Variants in MTFR2 observed in about 807,000 individuals in gnomAD.
MTFR2 encodes the protein mitochondrial fission regulator 2.
MTFR2 carries 44 observed loss-of-function variants against 41.2 expected under a neutral mutation model. The observed-to-expected ratio is 1.07, with a 90% CI of 0.84 to 1.37. The LOEUF is 1.37. MTFR2 is among the 40% of genes most tolerant of loss of function. MTFR2 has a pLI of 0.00. For synonymous variants in MTFR2, 141 were observed against 154.6 expected (o/e 0.91, Z 0.65); for missense variants, 452 against 459.5 (o/e 0.98, Z 0.15).
At chr6:136,246,704 A>T (rs1406031932) in intron 2 of MTFR2, among the ~76,000 whole-genome samples, 1 of 152,174 alleles carries the variant, frequency 6.6e-6, no homozygotes, top group Non-Finnish European at 1.5e-5. Context: ...AATATGTTCA[A>T]TGCCACTCAA....
intron 6 of MTFR2, among the ~76,000 whole-genome samples, chr6:136,238,375 G>C (rs9494491): frequency 0.086 from 13,126 of 152,030 alleles, 1,759 homozygotes; most frequent in African/African-American, 0.29. Context: ...TTGAGAGACC[G>C]AGGCAGGAGG....
intron 7 of MTFR2, among the ~76,000 whole-genome samples, chr6:136,232,513 A>G (rs1266304657): frequency 6.6e-6 from 1 of 152,116 alleles, no homozygotes; most frequent in African/African-American, 2.4e-5. Context: ...TGCCCACCTC[A>G]GCCTCCCAAA....
At chr6:136,237,873 C>A (rs565364462) in intron 6 of MTFR2, among the ~76,000 whole-genome samples, 12 of 151,800 alleles carry the variant, frequency 7.9e-5, no homozygotes, top group Non-Finnish European at 1.5e-4. Context: ...ACTAATCTAC[C>A]CTTTATGTTT....
At position 136,242,941 on chromosome 6, in the gene MTFR2, A is replaced by G; in HGVS notation, c.201T>C (p.Asp67=). 6.2e-7 allele frequency: 1 copy of G among 1,613,072 alleles called. No individual in the cohort carries two copies. Among genetic ancestry groups the G allele is most frequent in the Non-Finnish European group, 8.5e-7 (1 of 1,179,802 alleles). Residue 67 remains aspartate (D), a synonymous_variant, in exon 4 of 8, where the codon GAT becomes GAC. Coordinates refer to ENST00000420702, the MANE Select transcript of MTFR2 (RefSeq NM_001099286.3). ...AAGATGGAACCATAGATCCACAATT[A>G]TCAGAGTCTACAGAGTTCAAGAGCG... ...LIPLLNSVDS[D]NCGSMVPSFA... is the part of the protein sequence containing the mutation.
intron 6 of MTFR2, among the ~76,000 whole-genome samples, chr6:136,237,681 G>A (rs183259858): frequency 1.2e-4 from 18 of 152,006 alleles, no homozygotes; most frequent in Admixed American, 6.6e-4. Context: ...ATGGTGGCAC[G>A]TGCCTGTAAT....
intron 3 of MTFR2, among the ~76,000 whole-genome samples, chr6:136,243,956 T>C (rs1167971338): frequency 6.6e-6 from 1 of 151,978 alleles, no homozygotes; most frequent in African/African-American, 2.4e-5. Context: ...TTTAAAAGTA[T>C]AAAAAATTTA....
intron 6 of MTFR2, among the ~76,000 whole-genome samples, chr6:136,238,128 T>C (rs369051805): frequency 1.3e-5 from 2 of 152,356 alleles, no homozygotes; most frequent in East Asian, 3.9e-4. Flanking sequence ...CAAAGAGATA[T>C]CTGCACACCC....
At position 136,249,122 on chromosome 6, in the gene MTFR2, A is replaced by C. The variant is rs1780294164; in HGVS notation, c.-23T>G. ...CATTGATGAAGCAAATACAGAAGCC[A>C]ATTCAAAGGAACATTATCAGTTTCT... On this transcript the variant is annotated 5_prime_UTR_variant, in exon 2 of 8. The change creates a new upstream start codon in the 5' untranslated region. Coordinates refer to ENST00000420702, the MANE Select transcript of MTFR2 (RefSeq NM_001099286.3). The C allele has an allele frequency of 1.3e-6, 2 of 1,556,162 alleles. No individual in the cohort carries two copies. The highest frequency in any genetic ancestry group is 2.8e-5 in the African/African-American group (2 of 71,094).
chr6:136,233,392 T>A lies in MTFR2; in HGVS notation c.977A>T (p.Asp326Val). 1 of 1,612,312 alleles carries A rather than the reference T, an allele frequency of 6.2e-7. No individual in the cohort carries two copies. Among genetic ancestry groups the A allele is most frequent in the Non-Finnish European group, 8.5e-7 (1 of 1,178,982 alleles). The change falls in exon 7 of 8, where the codon GAT (aspartate) becomes GTT (valine). Residue 326 changes from aspartate to valine, a missense_variant. Asp to Val is a radical substitution (Grantham distance 152). Coordinates refer to ENST00000420702, the MANE Select transcript of MTFR2 (RefSeq NM_001099286.3). Reference protein sequence around the residue: ...ALKQKFAFQEDDSFEKENRSW... With the variant: ...ALKQKFAFQEVDSFEKENRSW... ...TCTATTCTCTTTCTCAAAAGAATCA[T>A]CTTCTTGAAATGCAAATTTCTGTTT...
At chr6:136,244,907 G>T in intron 2 of MTFR2, 38 bp from the exon 3 acceptor site, 1 of 1,401,266 alleles carries the variant, frequency 7.1e-7, no homozygotes, top group South Asian at 1.3e-5. Context: ...AATGCACTCT[G>T]ATTAAGCATA....
At chr6:136,240,697 T>A (rs1780031374) in intron 5 of MTFR2, among the ~76,000 whole-genome samples, 1 of 152,126 alleles carries the variant, frequency 6.6e-6, no homozygotes, top group Non-Finnish European at 1.5e-5. Flanking sequence ...GTAGCAGCAA[T>A]AACTAAAAAC....
chr6:136,233,061 C>T (rs964095382), intron 7 of MTFR2: 5 of 263,734 alleles, frequency 1.9e-5, no homozygotes, highest in Non-Finnish European at 3.7e-5. Flanking sequence ...ATCAAATTGG[C>T]ACCTAAGATA....
rs543748793 is a variant in MTFR2, at chr6:136,239,377, CAT to C, written c.869+87_869+88del. On this transcript the variant is annotated intron_variant, in intron 6 of 7. Coordinates refer to ENST00000420702, the MANE Select transcript of MTFR2 (RefSeq NM_001099286.3). ...GGGTGAAGAAGAATAAGAAAAAAGA[CAT>C]ATATGTTAATTTTCATAAACATAAT... 1,992 of 960,140 alleles carry C rather than the reference CAT, an allele frequency of 2.1e-3. 4 individuals are homozygous for C. The highest frequency in any genetic ancestry group is 4.6e-3 in the South Asian group (258 of 56,116). The allele number at this position is 960,140 out of a possible 1,614,324, so 59.5% of individuals were successfully genotyped here.
At chr6:136,247,053 C>A (rs1562214597) in intron 2 of MTFR2, among the ~76,000 whole-genome samples, 1 of 152,108 alleles carries the variant, frequency 6.6e-6, no homozygotes, top group Non-Finnish European at 1.5e-5. Context: ...TAGCTCCATT[C>A]AAAATCTCTT....
Position 136,233,453 on chromosome 6 carries a change from G to A in MTFR2, c.916C>T (p.His306Tyr). The change falls in exon 7 of 8, where the codon CAT (histidine) becomes TAT (tyrosine). Residue 306 changes from histidine (H) to tyrosine (Y), a missense_variant. Physicochemically the swap from His to Tyr is moderately conservative, Grantham distance 83 (BLOSUM62 2). Transcript: ENST00000420702. Reference protein sequence around the residue: ...PIHKRKRQNSHWDPVSLISHA... With the variant: ...PIHKRKRQNSYWDPVSLISHA... ...GATATTAAAGAAACTGGATCCCAAT[G>A]TGAATTCTGTCTTTTCCTCTTATGA... 2 of 1,590,098 alleles carry A rather than the reference G, an allele frequency of 1.3e-6. No homozygotes were observed. The highest frequency in any genetic ancestry group is 1.7e-6 in the Non-Finnish European group (2 of 1,163,796).
Position 136,241,679 on chromosome 6 carries a change from G to A in MTFR2, c.282-3C>T, listed in dbSNP as rs370847362. On this transcript the variant is annotated splice_polypyrimidine_tract_variant and splice_region_variant and intron_variant, in intron 4 of 7. Transcript: ENST00000420702. The stretch of plus-strand genomic sequence containing the variant: ...CTTCATTTTTCCATATACTATTTCT[G>A]TGGGTGAAAAAAAATAGGAAATGGA... The A allele has an allele frequency of 6.3e-7, 1 of 1,595,522 alleles. No homozygotes were observed. Among genetic ancestry groups the A allele is most frequent in the African/African-American group, 1.4e-5 (1 of 73,540 alleles).
chr6:136,235,517 G>T (rs1191085655), intron 6 of MTFR2, among the ~76,000 whole-genome samples: 1 of 152,046 alleles, frequency 6.6e-6, no homozygotes. Flanking sequence ...GGGGGCTGAG[G>T]TCTGAACCAG....
chr6:136,234,607 G>A (rs866657726), intron 6 of MTFR2, among the ~76,000 whole-genome samples: 22 of 152,128 alleles, frequency 1.4e-4, no homozygotes, highest in African/African-American at 2.2e-4. Flanking sequence ...AGGGGCCTAC[G>A]GACACAGCAA....
intron 7 of MTFR2, among the ~76,000 whole-genome samples, chr6:136,232,896 A>G (rs141489785): frequency 1.1e-4 from 16 of 152,330 alleles, no homozygotes; most frequent in African/African-American, 3.6e-4. Context: ...ATGCAGAGTT[A>G]ACATTATATT....
Sources: allele counts gnomAD v4.1 joint callset (sites outside exome capture counted in the v4.1 genomes callset), GRCh38; gene constraint gnomAD v4.1.1; transcripts MANE v1.5; gene names NCBI Gene and HGNC (gene_info 2026-07-23, HGNC 2026-07-21).